WDR7: variants seen among roughly 807,000 people sequenced by gnomAD.
The protein encoded by WDR7 is WD repeat domain 7, also known as WD repeat-containing protein 7.
Under a neutral mutation model 169.4 loss-of-function variants are expected in WDR7, and 46 were observed. The ratio of observed to expected loss-of-function variants is 0.27; its 90% CI spans 0.21 to 0.35. WDR7 has a LOEUF of 0.35. Ranked by LOEUF, WDR7 falls within the 10% of genes least tolerant of loss-of-function variation. The pLI, the probability that WDR7 is intolerant of heterozygous loss-of-function variation, is 1.00. For missense variants in WDR7, 1,534 were observed against 1,859.3 expected (o/e 0.83, Z 3.22); for synonymous variants, 612 against 666.8 (o/e 0.92, Z 1.27).
intron 21 of WDR7, among the ~76,000 whole-genome samples, chr18:56,917,633 A>C (rs904845952): frequency 6.6e-6 from 1 of 152,190 alleles, no homozygotes; most frequent in Non-Finnish European, 1.5e-5. Flanking sequence ...AGTTTTAAAC[A>C]TTGGCATTTT....
chr18:57,016,262 G>A (rs549435536), intron 26 of WDR7, among the ~76,000 whole-genome samples: 13 of 152,176 alleles, frequency 8.5e-5, no homozygotes, highest in African/African-American at 2.4e-4. Flanking sequence ...GTCCACGCTC[G>A]TGCATTTTTC....
chr18:56,998,477 T>A (rs2145878596), intron 26 of WDR7, among the ~76,000 whole-genome samples: 1 of 152,166 alleles, frequency 6.6e-6, no homozygotes, highest in South Asian at 2.1e-4. Flanking sequence ...AGGGAAAGAG[T>A]TAAACTCTAT....
chr18:56,935,065 A>G (rs1467397797), intron 22 of WDR7, among the ~76,000 whole-genome samples: 2 of 152,170 alleles, frequency 1.3e-5, no homozygotes, highest in African/African-American at 2.4e-5. Context: ...CTCTCCTATC[A>G]TGACCCTGGC....
intron 1 of WDR7, among the ~76,000 whole-genome samples, chr18:56,662,752 CAGAA>C (rs2024932266): frequency 6.6e-6 from 1 of 152,022 alleles, no homozygotes; most frequent in Non-Finnish European, 1.5e-5. Flanking sequence ...AAAAAACAAT[CAGAA>C]AGGAACAAGT....
At chr18:57,032,804 TATATATA>T (rs1568036549), downstream of WDR7, 241 of 11,068 alleles carry the variant, frequency 0.022, 6 homozygotes, top group East Asian at 0.38. Context: ...AATTATTTTA[TATATATA>T]TATATATATA....
At chr18:56,975,598 A>T (rs1335930202) in intron 26 of WDR7, among the ~76,000 whole-genome samples, 1 of 152,040 alleles carries the variant, frequency 6.6e-6, no homozygotes, top group Admixed American at 6.5e-5. Context: ...TTAATAAAAG[A>T]TCAGCCCTCT....
At chr18:56,718,463 A>AT (rs1162380640) in intron 13 of WDR7, among the ~76,000 whole-genome samples, 1 of 152,196 alleles carries the variant, frequency 6.6e-6, no homozygotes, top group African/African-American at 2.4e-5. Context: ...AGAAGAAATC[A>AT]TTTTTATCTC....
intron 26 of WDR7, among the ~76,000 whole-genome samples, chr18:56,976,127 C>T (rs1045848785): frequency 6.6e-6 from 1 of 152,158 alleles, no homozygotes; most frequent in African/African-American, 2.4e-5. Context: ...GATCCCAGCA[C>T]AGTCGATCAG....
intron 14 of WDR7, among the ~76,000 whole-genome samples, chr18:56,734,952 A>G (rs1420028833): frequency 6.6e-6 from 1 of 152,168 alleles, no homozygotes; most frequent in African/African-American, 2.4e-5. Flanking sequence ...AGTTAGTTTG[A>G]GGTGTCAATT....
At chr18:56,997,906 G>A (rs183934122) in intron 26 of WDR7, among the ~76,000 whole-genome samples, 2 of 152,258 alleles carry the variant, frequency 1.3e-5, no homozygotes, top group Non-Finnish European at 1.5e-5. Context: ...TCATAAACGT[G>A]TATGTGTCTG....
Position 56,697,922 on chromosome 18 carries a change from G to A in WDR7, c.1578+1460G>A, listed in dbSNP as rs893659878. 5.3e-5 allele frequency among the ~76,000 whole-genome samples: 8 copies of A among 152,200 alleles called. No individual in the cohort carries two copies. The South Asian group carries it at 8.3e-4, about 16-fold the overall frequency. The stretch of plus-strand genomic sequence containing the variant: ...TAAAAGTTTGGAATGGGCCAGGTGC[G>A]ATGGCTCAAGCCTGTAATCCCAGCA... On this transcript the variant is annotated intron_variant, in intron 12 of 27. Transcript: ENST00000254442.
At chr18:56,770,342 T>C (rs7239610) in intron 16 of WDR7, among the ~76,000 whole-genome samples, 96,606 of 152,012 alleles carry the variant, frequency 0.64, 30,808 homozygotes, top group African/African-American at 0.66. Flanking sequence ...TTGTTACTTA[T>C]TTAGTGTTAA....
intron 16 of WDR7, among the ~76,000 whole-genome samples, chr18:56,773,763 T>C (rs983606226): frequency 1.3e-5 from 2 of 152,138 alleles, no homozygotes; most frequent in African/African-American, 4.8e-5. Context: ...AGAAAACTTA[T>C]AAAAAGCCAA....
At chr18:56,922,215 A>G (rs1218612373) in intron 21 of WDR7, among the ~76,000 whole-genome samples, 1 of 152,174 alleles carries the variant, frequency 6.6e-6, no homozygotes, top group Non-Finnish European at 1.5e-5. Context: ...GCTGTATTAG[A>G]AATATTCTGA....
intron 12 of WDR7, among the ~76,000 whole-genome samples, chr18:56,696,719 T>C (rs2025712479): frequency 6.6e-6 from 1 of 152,222 alleles, no homozygotes; most frequent in Non-Finnish European, 1.5e-5. Context: ...TTCTGAAACA[T>C]AGCAGCAGTT....
intron 26 of WDR7, among the ~76,000 whole-genome samples, chr18:57,008,597 C>T (rs956413364): frequency 1.3e-5 from 2 of 152,182 alleles, no homozygotes; most frequent in African/African-American, 4.8e-5. Flanking sequence ...ATCTCTTGTT[C>T]TTCTCACCAA....
intron 19 of WDR7, among the ~76,000 whole-genome samples, chr18:56,790,852 TAAAG>T (rs1038839547): frequency 4.0e-5 from 6 of 151,820 alleles, no homozygotes; most frequent in Non-Finnish European, 8.8e-5. Flanking sequence ...TACACAAACA[TAAAG>T]AAAAATTTTT....
chr18:56,902,126 C>T (rs2046411440), intron 21 of WDR7, among the ~76,000 whole-genome samples: 1 of 152,250 alleles, frequency 6.6e-6, no homozygotes. Context: ...ACCTCCGGAA[C>T]TGCATATAGC....
chr18:57,014,905 C>T (rs1013581796), intron 26 of WDR7, among the ~76,000 whole-genome samples: 2 of 151,906 alleles, frequency 1.3e-5, no homozygotes, highest in Non-Finnish European at 2.9e-5. Context: ...GCTGCTGCAA[C>T]AGTCCTCAAG....
Sources: allele counts gnomAD v4.1 joint callset (sites outside exome capture counted in the v4.1 genomes callset), GRCh38; gene constraint gnomAD v4.1.1; transcripts MANE v1.5; gene names NCBI Gene and HGNC (gene_info 2026-07-23, HGNC 2026-07-21).